GPAM: variants seen among roughly 807,000 people sequenced by gnomAD.
The protein encoded by GPAM is glycerol-3-phosphate acyltransferase 1, mitochondrial.
Under a neutral mutation model 105.0 loss-of-function variants are expected in GPAM, and 56 were observed. That is an observed-to-expected ratio of 0.53 (90% CI 0.43 to 0.67). The LOEUF (loss-of-function observed/expected upper bound fraction) is 0.67. GPAM is among the 30% of genes least tolerant of loss of function. The probability of loss-of-function intolerance (pLI) is 0.00; values close to 1 mark genes in which losing one functional copy is unlikely to be tolerated. For missense variants in GPAM, 855 were observed against 989.8 expected (o/e 0.86, Z 1.83); for synonymous variants, 368 against 354.4 (o/e 1.04, Z -0.43).
At chr10:112,186,324 AAAAAT>A (rs1223141142), upstream of GPAM, among the ~76,000 whole-genome samples, 1 of 151,586 alleles carries the variant, frequency 6.6e-6, no homozygotes, top group African/African-American at 2.4e-5. Context: ...TATATATCAA[AAAAAT>A]AAAATAAAAA....
At chr10:112,212,857 T>C (rs954970349) in intron 1 of GPAM, among the ~76,000 whole-genome samples, 2 of 152,232 alleles carry the variant, frequency 1.3e-5, no homozygotes, top group African/African-American at 2.4e-5. Context: ...AGTCAGCTTC[T>C]GGACAATGGT....
At chr10:112,168,610 A>G in intron 10 of GPAM, 86 bp from the exon 11 acceptor site, 1 of 930,358 alleles carries the variant, frequency 1.1e-6, no homozygotes, top group Non-Finnish European at 1.7e-6. Flanking sequence ...TAAAAGCAAA[A>G]CAGAAAAAAC....
intron 1 of GPAM, among the ~76,000 whole-genome samples, chr10:112,190,958 C>T (rs935186022): frequency 2.0e-5 from 3 of 152,106 alleles, no homozygotes; most frequent in African/African-American, 7.2e-5. Context: ...TTCTTACATA[C>T]ACACTTGCTT....
chr10:112,192,840 A>G (rs1482014962), intron 1 of GPAM, among the ~76,000 whole-genome samples: 1 of 152,244 alleles, frequency 6.6e-6, no homozygotes, highest in African/African-American at 2.4e-5. Flanking sequence ...GCCCATGTCT[A>G]TGGACTTGGT....
chr10:112,169,164 T>C (rs907591430), intron 9 of GPAM, among the ~76,000 whole-genome samples: 2 of 152,224 alleles, frequency 1.3e-5, no homozygotes, highest in Non-Finnish European at 2.9e-5. Flanking sequence ...GATATCACTG[T>C]GTATAATGAG....
chr10:112,199,669 C>A (rs915361348), intron 1 of GPAM, among the ~76,000 whole-genome samples: 1 of 152,142 alleles, frequency 6.6e-6, no homozygotes, highest in Non-Finnish European at 1.5e-5. Flanking sequence ...AGGAAAGAGG[C>A]TTAATTGATT....
chr10:112,173,056 AC>A lies in GPAM; in HGVS notation c.570del (p.Trp191GlyfsTer4). 6.3e-7 allele frequency: 1 copy of A among 1,592,396 alleles called. No individual in the cohort carries two copies. The highest frequency in any genetic ancestry group is 8.6e-7 in the Non-Finnish European group (1 of 1,160,282). The part of the protein sequence containing the change: ...TVSPAMIRLT[G>X]WVLLKLFNSF... ...CTGTTGAACAGTTTTAGCAGCACCCACCCAGTCAGTCTGAAACAAAGTACAA... is the reference window on the plus strand; with the variant it reads ...CTGTTGAACAGTTTTAGCAGCACCCACCAGTCAGTCTGAAACAAAGTACAA... On this transcript the variant is annotated frameshift_variant, in exon 8 of 22. Coordinates refer to ENST00000348367, the MANE Select transcript of GPAM (RefSeq NM_001244949.2). LOFTEE classifies it high-confidence loss of function.
chr10:112,185,702 G>A (rs141852593), upstream of GPAM, among the ~76,000 whole-genome samples: 527 of 152,108 alleles, frequency 3.5e-3, 5 homozygotes, highest in African/African-American at 0.011. Flanking sequence ...GAACCCAGGA[G>A]GCAGAGCTTG....
At chr10:112,170,290 T>G (rs1354781414) in intron 9 of GPAM, among the ~76,000 whole-genome samples, 1 of 152,110 alleles carries the variant, frequency 6.6e-6, no homozygotes, top group Non-Finnish European at 1.5e-5. Context: ...ATGAATGAGA[T>G]GAGCCATCCA....
At chr10:112,217,808 A>T (rs776304797), upstream of GPAM, among the ~76,000 whole-genome samples, 3 of 152,254 alleles carry the variant, frequency 2.0e-5, no homozygotes, top group Non-Finnish European at 2.9e-5. Flanking sequence ...GCAGGAACTG[A>T]AGCCAGAATG....
intron 1 of GPAM, among the ~76,000 whole-genome samples, chr10:112,204,558 C>T (rs1847838367): frequency 1.3e-5 from 2 of 150,226 alleles, no homozygotes; most frequent in South Asian, 4.3e-4. Context: ...TTCCTATAAA[C>T]TGGGCATTAG....
At position 112,160,729 on chromosome 10, in the gene GPAM, G is replaced by A. The variant is rs776738448; in HGVS notation, c.1634C>T (p.Thr545Ile). The change falls in exon 16 of 22, where the codon ACA (threonine) becomes ATA (isoleucine). Residue 545 changes from threonine to isoleucine, a missense_variant. Physicochemically the swap from Thr to Ile is moderately conservative, Grantham distance 89. Transcript: ENST00000348367. ...HAIQLLGNCV[T>I]ITHTSRNDEF... ...ATCGTTCCTGCTAGTGTGGGTGATT[G>A]TGACACAATTTCCCAGCAGCTGTAT... The A allele has an allele frequency of 1.5e-5, 24 of 1,613,940 alleles. No homozygotes were observed. Among genetic ancestry groups the A allele is most frequent in the East Asian group, 2.2e-5 (1 of 44,880 alleles).
intron 15 of GPAM, among the ~76,000 whole-genome samples, 188 bp from the exon 16 acceptor site, chr10:112,161,056 G>A (rs1847115009): frequency 6.6e-6 from 1 of 152,164 alleles, no homozygotes; most frequent in South Asian, 2.1e-4. Flanking sequence ...GGTCCTCCAG[G>A]AATGTCAAGG....
intron 4 of GPAM, among the ~76,000 whole-genome samples, chr10:112,180,128 T>C (rs1295457706): frequency 6.6e-6 from 1 of 152,242 alleles, no homozygotes; most frequent in East Asian, 1.9e-4. Context: ...CTTATCTTGC[T>C]AGAATTTTAA....
At chr10:112,223,165 C>G in the GPAM span, among the ~76,000 whole-genome samples, 977 of 152,312 alleles carry the variant, frequency 6.4e-3, 6 homozygotes, top group Middle Eastern at 0.01. Flanking sequence ...TCTCCTTTCA[C>G]AGGACTCAGA....
chr10:112,173,234 C>T (rs1289770886), intron 7 of GPAM, among the ~76,000 whole-genome samples, 168 bp from the exon 8 acceptor site: 1 of 133,754 alleles, frequency 7.5e-6, no homozygotes, highest in African/African-American at 2.9e-5. Flanking sequence ...GTCTGAATTG[C>T]TGAACTAGAG....
rs569001584 is a variant in GPAM at position 112,171,340 on chromosome 10, C to G, written c.794+842G>C. ...AAGTACTTTTTAAATCTATGCCCTC[C>G]TGTCCAAAAACAATACTACAATTTA... On this transcript the variant is annotated intron_variant, in intron 9 of 21. Transcript: ENST00000348367. Among the ~76,000 whole-genome samples the G allele has an allele frequency of 2.0e-5, 3 of 152,278 alleles. No individual in the cohort carries two copies. In the South Asian group the frequency reaches 6.2e-4, roughly 32 times the overall value.
chr10:112,159,997 G>A lies in GPAM; in HGVS notation c.1816C>T (p.Pro606Ser). ...TGCTCCTGGCTGATCAGGTTAGGTG[G>A]GGTGCTAGTGGGACCCCCCAGTCCC... is the stretch of plus-strand genomic sequence containing the variant. ...KRGLGGPTSTPPNLISQEQLV... is the reference protein window; with the variant it reads ...KRGLGGPTSTSPNLISQEQLV... Residue 606 changes from proline to serine, a missense_variant, in exon 17 of 22, where the codon CCA becomes TCA. Pro to Ser is a moderately conservative substitution (Grantham distance 74). Transcript: ENST00000348367. 1 of 1,613,676 alleles carries A rather than the reference G, an allele frequency of 6.2e-7. No individual in the cohort carries two copies. Among genetic ancestry groups the A allele is most frequent in the Non-Finnish European group, 8.5e-7 (1 of 1,179,596 alleles).
intron 1 of GPAM, among the ~76,000 whole-genome samples, chr10:112,203,253 T>C (rs1026855769): frequency 9.9e-5 from 15 of 152,226 alleles, no homozygotes; most frequent in Non-Finnish European, 2.1e-4. Context: ...TTCATTTCTC[T>C]CTTATCCTGA....
Sources: allele counts gnomAD v4.1 joint callset (sites outside exome capture counted in the v4.1 genomes callset), GRCh38; gene constraint gnomAD v4.1.1; transcripts MANE v1.5; gene names NCBI Gene and HGNC (gene_info 2026-07-23, HGNC 2026-07-21).